Variants in EDIL3 observed in about 807,000 individuals in gnomAD.
EDIL3 encodes EGF-like repeat and discoidin I-like domain-containing protein 3.
Under a neutral mutation model 67.4 loss-of-function variants are expected in EDIL3, and 37 were observed. That is an observed-to-expected ratio of 0.55 (90% CI 0.42 to 0.72). The LOEUF (loss-of-function observed/expected upper bound fraction) is 0.72. Ranked by LOEUF, EDIL3 falls within the 30% of genes least tolerant of loss-of-function variation. EDIL3 has a pLI of 0.00. For missense variants in EDIL3, 527 were observed against 586.3 expected (o/e 0.90, Z 1.04); for synonymous variants, 195 against 196.3 (o/e 0.99, Z 0.05).
At chr5:84,018,133 G>A (rs398080) in intron 9 of EDIL3, among the ~76,000 whole-genome samples, 90,270 of 151,612 alleles carry the variant, frequency 0.6, 28,443 homozygotes, top group East Asian at 0.75. Context: ...TTCTTGTTCC[G>A]GGAACTCTTG....
At chr5:84,069,068 A>G (rs1179931621) in intron 6 of EDIL3, among the ~76,000 whole-genome samples, 2 of 152,210 alleles carry the variant, frequency 1.3e-5, no homozygotes, top group African/African-American at 2.4e-5. Context: ...CCCACATACT[A>G]TGTAAAAGGT....
chr5:84,351,343 A>G (rs1251363220), intron 1 of EDIL3, among the ~76,000 whole-genome samples: 2 of 152,156 alleles, frequency 1.3e-5, no homozygotes, highest in East Asian at 3.9e-4. Context: ...CTCTCATTGA[A>G]AAACACTAAG....
At chr5:84,141,952 G>GATCGATCTATCTATC (rs71605902) in intron 4 of EDIL3, among the ~76,000 whole-genome samples, 1 of 108,368 alleles carries the variant, frequency 9.2e-6, no homozygotes, top group Admixed American at 1.1e-4. Flanking sequence ...TATATACATA[G>GATCGATCTATCTATC]ATCTATCTAT....
chr5:83,959,791 G>A (rs532710993), intron 10 of EDIL3, among the ~76,000 whole-genome samples: 1 of 150,516 alleles, frequency 6.6e-6, no homozygotes, highest in Non-Finnish European at 1.5e-5. Flanking sequence ...TGTATGAAAT[G>A]ATACATAAAA....
intron 3 of EDIL3, among the ~76,000 whole-genome samples, chr5:84,208,656 G>A (rs1429292054): frequency 3.1e-5 from 4 of 128,374 alleles, no homozygotes; most frequent in Admixed American, 9.1e-5. Flanking sequence ...TCCGCAGTCC[G>A]GCCTGGGCAA....
At chr5:84,111,653 G>T (rs1747566981) in intron 5 of EDIL3, among the ~76,000 whole-genome samples, 1 of 152,036 alleles carries the variant, frequency 6.6e-6, no homozygotes, top group African/African-American at 2.4e-5. Context: ...ACCATGAAGT[G>T]GTATGTGCTA....
At chr5:84,282,660 C>A (rs1368715434) in intron 1 of EDIL3, among the ~76,000 whole-genome samples, 2 of 152,156 alleles carry the variant, frequency 1.3e-5, no homozygotes, top group Middle Eastern at 3.2e-3. Context: ...ATTTACTAAA[C>A]TATTCTCAAA....
chr5:84,226,745 T>G (rs1430738066), intron 3 of EDIL3, among the ~76,000 whole-genome samples: 1 of 151,980 alleles, frequency 6.6e-6, no homozygotes, highest in Non-Finnish European at 1.5e-5. Context: ...TGTTCTATTT[T>G]AAAAATCTAT....
At chr5:84,165,092 C>T (rs1231243906) in intron 4 of EDIL3, among the ~76,000 whole-genome samples, 1 of 152,062 alleles carries the variant, frequency 6.6e-6, no homozygotes, top group African/African-American at 2.4e-5. Flanking sequence ...GAAGTTAGAT[C>T]AGGGTCAGAT....
At chr5:84,015,048 C>T (rs907842559) in intron 9 of EDIL3, among the ~76,000 whole-genome samples, 1 of 152,146 alleles carries the variant, frequency 6.6e-6, no homozygotes, top group South Asian at 2.1e-4. Context: ...TGCTCTTATT[C>T]TATGATGAAT....
chr5:84,302,050 G>A (rs545695536), intron 1 of EDIL3, among the ~76,000 whole-genome samples: 33 of 152,190 alleles, frequency 2.2e-4, no homozygotes, highest in African/African-American at 7.0e-4. Flanking sequence ...TTTATAAAGA[G>A]TATTGACTAT....
rs186541169 is a variant in EDIL3, at chr5:84,201,014, T to G, written c.227-20493A>C. Among the ~76,000 whole-genome samples the G allele has an allele frequency of 3.0e-4, 46 of 152,218 alleles. No homozygotes were observed. In the East Asian group the frequency reaches 8.1e-3, roughly 27 times the overall value. ...CAGGCATAGAGCAGGGTAAATCAGA[T>G]GTTTTATAATATTTTAACAGGTCTT... On this transcript the variant is annotated intron_variant, in intron 3 of 10. Transcript: ENST00000296591.
intron 9 of EDIL3, among the ~76,000 whole-genome samples, chr5:84,004,348 C>A (rs1180907456): frequency 6.6e-6 from 1 of 151,904 alleles, no homozygotes; most frequent in Non-Finnish European, 1.5e-5. Context: ...TAGAACATGC[C>A]ACCCAAAGAG....
In EDIL3 at chr5:84,235,452, T is replaced by C. The variant is rs144008378; in HGVS notation, c.197-5568A>G. Among the ~76,000 whole-genome samples, 356 of 152,258 alleles carry C rather than the reference T, an allele frequency of 2.3e-3. 1 individual carries two copies. The highest frequency in any genetic ancestry group is 8.3e-3 in the African/African-American group (347 of 41,568). ...TTGGAGAATGGCATCCATTGAAGTATTGATAATATATAACACATAAAACAT... is the reference window on the plus strand; with the variant it reads ...TTGGAGAATGGCATCCATTGAAGTACTGATAATATATAACACATAAAACAT... On this transcript the variant is annotated intron_variant, in intron 2 of 10. Coordinates refer to ENST00000296591, the MANE Select transcript of EDIL3 (RefSeq NM_005711.5).
chr5:84,298,448 G>A (rs553292547), intron 1 of EDIL3, among the ~76,000 whole-genome samples: 4 of 152,232 alleles, frequency 2.6e-5, no homozygotes, highest in Admixed American at 2.6e-4. Context: ...GACACGGGGA[G>A]GGGAACAACA....
chr5:84,291,571 G>T (rs892982508), intron 1 of EDIL3, among the ~76,000 whole-genome samples: 1 of 151,108 alleles, frequency 6.6e-6, no homozygotes, highest in Admixed American at 6.6e-5. Flanking sequence ...TTGATACAAA[G>T]ATTATAAGAG....
intron 4 of EDIL3, among the ~76,000 whole-genome samples, chr5:84,161,800 C>G (rs934803356): frequency 2.6e-5 from 4 of 152,078 alleles, no homozygotes; most frequent in African/African-American, 7.2e-5. Flanking sequence ...AATGGAAACT[C>G]TCTTATGGGT....
chr5:84,029,188 T>C (rs1019279745), intron 9 of EDIL3, among the ~76,000 whole-genome samples: 1 of 151,870 alleles, frequency 6.6e-6, no homozygotes, highest in Non-Finnish European at 1.5e-5. Flanking sequence ...ACCTGGGAGG[T>C]GGAGTTTGCA....
chr5:84,345,377 T>C (rs916599127), intron 1 of EDIL3, among the ~76,000 whole-genome samples: 1 of 152,148 alleles, frequency 6.6e-6, no homozygotes, highest in Non-Finnish European at 1.5e-5. Context: ...TAGTTTATAG[T>C]GGGTAAAAAT....
Sources: allele counts gnomAD v4.1 joint callset (sites outside exome capture counted in the v4.1 genomes callset), GRCh38; gene constraint gnomAD v4.1.1; transcripts MANE v1.5; gene names NCBI Gene and HGNC (gene_info 2026-07-23, HGNC 2026-07-21).